SELENOI: variants seen among roughly 807,000 people sequenced by gnomAD.
SELENOI encodes ethanolaminephosphotransferase 1.
A neutral mutation model predicts 50.7 loss-of-function variants in SELENOI; 24 were observed. That is an observed-to-expected ratio of 0.47 (90% CI 0.34 to 0.67). The LOEUF is 0.67. Ranked by LOEUF, SELENOI falls within the 30% of genes least tolerant of loss-of-function variation. The pLI is 0.01. For missense variants in SELENOI, 352 were observed against 461.4 expected (o/e 0.76, Z 2.17); for synonymous variants, 155 against 170.2 (o/e 0.91, Z 0.70).
At chr2:26,385,382 T>A (rs953096522) in intron 8 of SELENOI, among the ~76,000 whole-genome samples, 1 of 152,212 alleles carries the variant, frequency 6.6e-6, no homozygotes, top group African/African-American at 2.4e-5. Context: ...TTAAATTTTT[T>A]ATTTTGGTTG....
intron 4 of SELENOI, among the ~76,000 whole-genome samples, chr2:26,370,296 C>T (rs1200143104): frequency 4.0e-5 from 6 of 151,812 alleles, no homozygotes; most frequent in Non-Finnish European, 8.8e-5. Flanking sequence ...ATTTCTCAAT[C>T]TTTTCCCCAC....
intron 1 of SELENOI, among the ~76,000 whole-genome samples, chr2:26,358,423 TA>T (rs1454873646): frequency 6.6e-6 from 1 of 152,104 alleles, no homozygotes; most frequent in Non-Finnish European, 1.5e-5. Flanking sequence ...AAACCTTTTA[TA>T]GCCCAGGCTG....
intron 1 of SELENOI, among the ~76,000 whole-genome samples, chr2:26,352,629 C>T (rs1188834791): frequency 1.3e-5 from 2 of 151,990 alleles, no homozygotes; most frequent in Non-Finnish European, 2.9e-5. Context: ...ACTAAAAATA[C>T]AAAAATTAGC....
intron 1 of SELENOI, among the ~76,000 whole-genome samples, chr2:26,352,512 C>T (rs540130177): frequency 3.3e-5 from 5 of 152,220 alleles, no homozygotes; most frequent in African/African-American, 9.6e-5. Flanking sequence ...TAGCCGGGTG[C>T]GGTGGCTCAC....
intron 1 of SELENOI, among the ~76,000 whole-genome samples, chr2:26,357,311 T>C (rs1677084643): frequency 6.6e-6 from 1 of 152,224 alleles, no homozygotes; most frequent in African/African-American, 2.4e-5. Context: ...CCTTCTCATC[T>C]AGGACTCAGC....
Position 26,389,210 on chromosome 2 carries a change from A to G in SELENOI, c.*107A>G, listed in dbSNP as rs1271577599. The G allele has an allele frequency of 5.7e-6, 5 of 874,010 alleles. No homozygotes were observed. The highest frequency in any genetic ancestry group is 5.0e-5 in the African/African-American group (3 of 59,608). 54.1% of individuals were successfully genotyped at this position (874,010 alleles called of 1,614,324 possible). On this transcript the variant is annotated 3_prime_UTR_variant, in exon 10 of 10. Coordinates refer to ENST00000260585, the MANE Select transcript of SELENOI (RefSeq NM_033505.4). Reference sequence around the variant, plus strand: ...TGCTTGACAGACGTGGGATCTCAGTATGGTACTTGGACAGCAGGAATGATA... The same window carrying G: ...TGCTTGACAGACGTGGGATCTCAGTGTGGTACTTGGACAGCAGGAATGATA...
intron 6 of SELENOI, among the ~76,000 whole-genome samples, chr2:26,379,793 A>G (rs894101998): frequency 6.6e-6 from 1 of 152,194 alleles, no homozygotes; most frequent in Non-Finnish European, 1.5e-5. Context: ...ATTTGGTAGT[A>G]CAGAATTTTT....
intron 1 of SELENOI, among the ~76,000 whole-genome samples, chr2:26,359,656 A>G (rs1677134763): frequency 6.6e-6 from 1 of 152,122 alleles, no homozygotes; most frequent in Admixed American, 6.5e-5. Context: ...AAAAAGAAAA[A>G]TTAGACTGCT....
chr2:26,385,841 T>C (rs752426642), intron 8 of SELENOI, among the ~76,000 whole-genome samples: 8 of 152,196 alleles, frequency 5.3e-5, no homozygotes, highest in Non-Finnish European at 1.0e-4. Flanking sequence ...AAAACACTAA[T>C]GCATTGTATA....
intron 1 of SELENOI, 118 bp downstream of exon 1, chr2:26,346,407 G>A (rs559853456): frequency 3.9e-6 from 5 of 1,287,858 alleles, no homozygotes; most frequent in Middle Eastern, 2.8e-4. Flanking sequence ...GGGCTGGCGG[G>A]CGTTCCTCCG....
In SELENOI at chr2:26,389,211, T is replaced by C; in HGVS notation, c.*108T>C. The C allele has an allele frequency of 1.2e-6, 1 of 865,372 alleles. No homozygotes were observed. Among genetic ancestry groups the C allele is most frequent in the Non-Finnish European group, 1.8e-6 (1 of 542,380 alleles). The allele number at this position is 865,372 out of a possible 1,614,324, so 53.6% of individuals were successfully genotyped here. A position where few individuals can be genotyped will look rare whatever the true frequency, so the allele number is the denominator to read the frequency against. ...GCTTGACAGACGTGGGATCTCAGTA[T>C]GGTACTTGGACAGCAGGAATGATAC... On this transcript the variant is annotated 3_prime_UTR_variant, in exon 10 of 10. Transcript: ENST00000260585.
At chr2:26,380,022 C>A (rs1409457646) in intron 6 of SELENOI, among the ~76,000 whole-genome samples, 1 of 152,118 alleles carries the variant, frequency 6.6e-6, no homozygotes, top group Admixed American at 6.5e-5. Flanking sequence ...AGGTGTGTCC[C>A]GTCAGTTTAC....
intron 1 of SELENOI, among the ~76,000 whole-genome samples, chr2:26,358,301 C>T (rs1367689069): frequency 2.0e-5 from 3 of 152,154 alleles, no homozygotes; most frequent in Admixed American, 6.5e-5. Context: ...GCAGGAGAAT[C>T]GCTTGAACCT....
intron 1 of SELENOI, among the ~76,000 whole-genome samples, chr2:26,354,224 TTAAG>T: frequency 6.6e-6 from 1 of 151,942 alleles, no homozygotes; most frequent in East Asian, 1.9e-4. Flanking sequence ...CACTGAAAAT[TTAAG>T]TAATTTGCTC....
intron 4 of SELENOI, among the ~76,000 whole-genome samples, chr2:26,372,967 C>T (rs958278061): frequency 6.6e-6 from 1 of 152,202 alleles, no homozygotes; most frequent in African/African-American, 2.4e-5. Flanking sequence ...TAGCTCACTG[C>T]AGGTTCAAAC....
intron 6 of SELENOI, among the ~76,000 whole-genome samples, chr2:26,378,160 G>T (rs546114332): frequency 6.6e-6 from 1 of 152,040 alleles, no homozygotes; most frequent in Non-Finnish European, 1.5e-5. Context: ...AGATTTTGGC[G>T]CTCACCTCTC....
rs1053555481 is a variant in SELENOI, at chr2:26,393,126, T to G, written c.*4023T>G. ...CCACGTGATTTGCATATTTTAGTTT[T>G]TATGTTTGACAGTGGTACAAATGAC... On this transcript the variant is annotated 3_prime_UTR_variant, in exon 10 of 10. Coordinates refer to ENST00000260585, the MANE Select transcript of SELENOI (RefSeq NM_033505.4). The G allele has an allele frequency of 6.5e-6, 1 of 152,672 alleles. No individual in the cohort carries two copies. Among genetic ancestry groups the G allele is most frequent in the Non-Finnish European group, 1.5e-5 (1 of 68,048 alleles). The allele number at this position is 152,672 out of a possible 1,614,324, so 9.5% of individuals were successfully genotyped here.
intron 4 of SELENOI, among the ~76,000 whole-genome samples, chr2:26,368,846 A>G (rs376819902): frequency 1.4e-4 from 22 of 152,194 alleles, no homozygotes; most frequent in African/African-American, 5.3e-4. Context: ...ACTTTCTGGG[A>G]ATATTTTAGC....
intron 4 of SELENOI, among the ~76,000 whole-genome samples, chr2:26,372,359 C>T (rs1677475895): frequency 6.6e-6 from 1 of 152,214 alleles, no homozygotes; most frequent in African/African-American, 2.4e-5. Context: ...GATCCTCCTG[C>T]CTTGGCCTCC....
Sources: allele counts gnomAD v4.1 joint callset (sites outside exome capture counted in the v4.1 genomes callset), GRCh38; gene constraint gnomAD v4.1.1; transcripts MANE v1.5; gene names NCBI Gene and HGNC (gene_info 2026-07-23, HGNC 2026-07-21).